The following DNAH5 variants were observed in gnomAD, a reference collection of about 807,000 sequenced individuals.
The protein encoded by DNAH5 is dynein axonemal heavy chain 5, also known as axonemal beta dynein heavy chain 5.
DNAH5 carries 372 observed loss-of-function variants against 518.2 expected under a neutral mutation model. The ratio of observed to expected loss-of-function variants is 0.72; its 90% CI spans 0.66 to 0.78. The LOEUF (loss-of-function observed/expected upper bound fraction) is 0.78. Ranked by LOEUF, DNAH5 falls within the 30% of genes least tolerant of loss-of-function variation. The probability of loss-of-function intolerance (pLI) is 0.00; values close to 1 mark genes in which losing one functional copy is unlikely to be tolerated. For synonymous variants in DNAH5, 2,039 were observed against 2,025.9 expected, an observed-to-expected ratio of 1.01 and a Z score of -0.17; for missense variants, 5,523 against 5,687.0, an observed-to-expected ratio of 0.97 and a Z score of 0.93.
chr5:13,874,602 C>T (rs1580699082), intron 22 of DNAH5, among the ~76,000 whole-genome samples: 1 of 152,168 alleles, frequency 6.6e-6, no homozygotes, highest in Non-Finnish European at 1.5e-5. Flanking sequence ...ACTGCAACCT[C>T]TGCCTTCTAG....
At position 13,865,648 on chromosome 5, in the gene DNAH5, C is replaced by A; in HGVS notation, c.4355+20G>T. 1 of 1,442,126 alleles carries A rather than the reference C, an allele frequency of 6.9e-7. No individual in the cohort carries two copies. The highest frequency in any genetic ancestry group is 9.8e-7 in the Non-Finnish European group (1 of 1,023,844). The allele number at this position is 1,442,126 out of a possible 1,614,324, so 89.3% of individuals were successfully genotyped here. On this transcript the variant is annotated intron_variant, in intron 27 of 78. Coordinates refer to ENST00000265104, the MANE Select transcript of DNAH5 (RefSeq NM_001369.3). Reference sequence around the variant, plus strand: ...ATTTGAAGTTCAATTGCTGGGCATGCTAAACATTTAATTTCTTACCTGTTC... The same window carrying A: ...ATTTGAAGTTCAATTGCTGGGCATGATAAACATTTAATTTCTTACCTGTTC...
chr5:13,927,596 A>G (rs910887494), intron 3 of DNAH5, among the ~76,000 whole-genome samples: 1 of 152,226 alleles, frequency 6.6e-6, no homozygotes, highest in Non-Finnish European at 1.5e-5. Flanking sequence ...ATCCAATATT[A>G]TTTATTTAAA....
chr5:13,705,255 A>G (rs1742636659), intron 76 of DNAH5, among the ~76,000 whole-genome samples: 1 of 152,122 alleles, frequency 6.6e-6, no homozygotes, highest in Non-Finnish European at 1.5e-5. Context: ...TGGCCTCCCA[A>G]AGTGCTGGAT....
At chr5:13,875,969 GA>G (rs1414409759) in intron 22 of DNAH5, among the ~76,000 whole-genome samples, 3 of 152,122 alleles carry the variant, frequency 2.0e-5, no homozygotes, top group African/African-American at 7.2e-5. Flanking sequence ...TGCACTTACT[GA>G]GCAACAACTA....
intron 22 of DNAH5, among the ~76,000 whole-genome samples, chr5:13,875,465 C>CAAAAAAAAA (rs70964513): frequency 2.8e-5 from 3 of 105,998 alleles, no homozygotes; most frequent in African/African-American, 3.8e-5. Flanking sequence ...GAAACTCCTT[C>CAAAAAAAAA]AAAAAAAAAA....
In DNAH5 at chr5:13,700,821, G is replaced by A. The variant is rs1742001081; in HGVS notation, c.13542C>T (p.Cys4514=). 1.2e-6 allele frequency: 2 copies of A among 1,614,018 alleles called. No homozygotes were observed. Among genetic ancestry groups the A allele is most frequent in the African/African-American group, 1.3e-5 (1 of 74,916 alleles). Residue 4514 remains cysteine (C), a synonymous_variant, in exon 78 of 79, where the codon TGC becomes TGT. Transcript: ENST00000265104. ...KGWALDNMVL[C]NEVTKWMKDD... is the part of the protein sequence containing the mutation. ...CCTTCATCCATTTGGTGACTTCATTGCAAAGCACCATATTGTCCAGAGCCC... is the reference window on the plus strand; with the variant it reads ...CCTTCATCCATTTGGTGACTTCATTACAAAGCACCATATTGTCCAGAGCCC...
rs147503805 is a variant in DNAH5 at position 13,986,384 on chromosome 5, C to T, written c.12+25264G>A. Among the ~76,000 whole-genome samples, 157 of 152,296 alleles carry T rather than the reference C, an allele frequency of 1.0e-3. No homozygotes were observed. The South Asian group carries it at 0.017, about 16-fold the overall frequency. ...TCCAGAAATGGCTGAGCCCTTTCAC[C>T]CTACAGGGTTGACTGGATCAGAGGA... On this transcript the variant is annotated intron_variant, in intron 1 of 78. Transcript: ENST00000681290.
At chr5:13,830,324 T>TA in intron 36 of DNAH5, 111 bp from the exon 37 acceptor site, 1 of 1,095,308 alleles carries the variant, frequency 9.1e-7, no homozygotes. Flanking sequence ...CATTCAAAAG[T>TA]AAAGTGCAAC....
At chr5:13,740,524 G>A (rs1258059299) in intron 65 of DNAH5, among the ~76,000 whole-genome samples, 2 of 152,134 alleles carry the variant, frequency 1.3e-5, no homozygotes, top group African/African-American at 4.8e-5. Flanking sequence ...TACATCAGTG[G>A]TTTTCAAATT....
chr5:13,900,895 T>G (rs891786094), intron 14 of DNAH5: 2 of 333,552 alleles, frequency 6.0e-6, no homozygotes, highest in Middle Eastern at 9.5e-4. Context: ...AAAAGAAAAT[T>G]TGAAACTTTG....
rs35975283 is a variant in DNAH5 at position 14,003,796 on chromosome 5, G to A, written c.12+7852C>T. Among the ~76,000 whole-genome samples, 519 of 152,336 alleles carry A rather than the reference G, an allele frequency of 3.4e-3. 3 individuals carry two copies. Among genetic ancestry groups the A allele is most frequent in the Non-Finnish European group, 5.6e-3 (381 of 68,034 alleles). On this transcript the variant is annotated intron_variant, in intron 1 of 78. Coordinates refer to the DNAH5 transcript ENST00000681290. ...TTTGAAGCTTTCAGCCACCATGAAA[G>A]CAGCCCACTGCCCTGAGGCCACCCT...
At position 13,743,845 on chromosome 5, in the gene DNAH5, A is replaced by G. The variant is rs369975968; in HGVS notation, c.11212-6350T>C. ...AAGATGCAGAGAAAAGGGAACTGTTAAACACTGTGTGTGGGAATGTAAACT... is the reference window on the plus strand; with the variant it reads ...AAGATGCAGAGAAAAGGGAACTGTTGAACACTGTGTGTGGGAATGTAAACT... On this transcript the variant is annotated intron_variant, in intron 65 of 78. Coordinates refer to ENST00000265104, the MANE Select transcript of DNAH5 (RefSeq NM_001369.3). Among the ~76,000 whole-genome samples, 3 of 152,210 alleles carry G rather than the reference A, an allele frequency of 2.0e-5. No individual in the cohort carries two copies. The South Asian group carries it at 6.2e-4, about 32-fold the overall frequency.
intron 47 of DNAH5, among the ~76,000 whole-genome samples, chr5:13,795,866 T>A (rs1244677962): frequency 6.6e-6 from 1 of 152,216 alleles, no homozygotes; most frequent in East Asian, 1.9e-4. Context: ...TCAAGTTGGC[T>A]TCATCCCTGG....
intron 12 of DNAH5, among the ~76,000 whole-genome samples, chr5:13,906,939 T>C (rs1202411964): frequency 6.6e-6 from 1 of 151,636 alleles, no homozygotes; most frequent in Non-Finnish European, 1.5e-5. Context: ...AATAACAGAA[T>C]AAATTCCAAA....
intron 1 of DNAH5, among the ~76,000 whole-genome samples, chr5:13,988,643 C>A (rs1214381052): frequency 6.6e-6 from 1 of 151,612 alleles, no homozygotes; most frequent in Non-Finnish European, 1.5e-5. Flanking sequence ...GTCTCAAACT[C>A]CTGACCTCAA....
chr5:13,798,575 T>C (rs1186243919), intron 47 of DNAH5, among the ~76,000 whole-genome samples: 1 of 152,102 alleles, frequency 6.6e-6, no homozygotes, highest in Non-Finnish European at 1.5e-5. Context: ...AAAGATGTTT[T>C]ATTTCATGAC....
rs775369408 is a variant in DNAH5 at position 13,690,823 on chromosome 5, G to A, written c.*1161C>T. ...ATAAAAGTCCATAGAAAGTCCCTACGCACCGTCTAATATTTCTACCCTTTT... is the reference window on the plus strand; with the variant it reads ...ATAAAAGTCCATAGAAAGTCCCTACACACCGTCTAATATTTCTACCCTTTT... On this transcript the variant is annotated 3_prime_UTR_variant, in exon 79 of 79. Transcript: ENST00000265104. The A allele has an allele frequency of 2.0e-5, 3 of 152,160 alleles. No homozygotes were observed. Among genetic ancestry groups the A allele is most frequent in the Non-Finnish European group, 4.4e-5 (3 of 67,992 alleles). 9.4% of individuals were successfully genotyped at this position (152,160 alleles called of 1,614,324 possible). A position where few individuals can be genotyped will look rare whatever the true frequency, so the allele number is the denominator to read the frequency against.
chr5:13,757,011 T>C (rs1751085444), intron 61 of DNAH5, among the ~76,000 whole-genome samples: 1 of 152,214 alleles, frequency 6.6e-6, no homozygotes, highest in Non-Finnish European at 1.5e-5. Flanking sequence ...TCCAGTTCCA[T>C]CTAGGTTCCT....
intron 38 of DNAH5, among the ~76,000 whole-genome samples, chr5:13,826,517 T>G (rs1762909250): frequency 6.6e-6 from 1 of 152,110 alleles, no homozygotes; most frequent in Non-Finnish European, 1.5e-5. Context: ...TCTCATAAGA[T>G]CTGATGGTTT....
Sources: gnomAD v4.1 joint callset for allele counts (sites outside exome capture counted in the v4.1 genomes callset) on GRCh38, gnomAD v4.1.1 for gene constraint, MANE v1.5 for transcripts, NCBI Gene and HGNC (gene_info 2026-07-23, HGNC 2026-07-21) for gene names.